The following KCNIP4 variants were observed in gnomAD, a reference collection of about 807,000 sequenced individuals.
KCNIP4 encodes Kv channel-interacting protein 4.
KCNIP4 carries 12 observed loss-of-function variants against 34.0 expected under a neutral mutation model. That is an observed-to-expected ratio of 0.35 (90% CI 0.23 to 0.57). The LOEUF (loss-of-function observed/expected upper bound fraction) is 0.57. Ranked by LOEUF, KCNIP4 falls within the 20% of genes least tolerant of loss-of-function variation. The pLI, the probability that KCNIP4 is intolerant of heterozygous loss-of-function variation, is 0.83. For synonymous variants in KCNIP4, 124 were observed against 102.2 expected, an observed-to-expected ratio of 1.21 and a Z score of -1.29; for missense variants, 238 against 311.7, an observed-to-expected ratio of 0.76 and a Z score of 1.78.
chr4:21,149,901 T>G (rs1752638949), intron 1 of KCNIP4, among the ~76,000 whole-genome samples: 1 of 152,186 alleles, frequency 6.6e-6, no homozygotes, highest in African/African-American at 2.4e-5. Flanking sequence ...TTTAAGTTAT[T>G]TGTTTCACTG....
chr4:21,813,747 T>A (rs1292602072), intron 1 of KCNIP4, among the ~76,000 whole-genome samples: 1 of 152,164 alleles, frequency 6.6e-6, no homozygotes, highest in African/African-American at 2.4e-5. Context: ...CTTTCTCACA[T>A]CAAATGCAGT....
At chr4:21,908,261 A>G (rs1237456296) in intron 1 of KCNIP4, among the ~76,000 whole-genome samples, 1 of 152,060 alleles carries the variant, frequency 6.6e-6, no homozygotes, top group Non-Finnish European at 1.5e-5. Flanking sequence ...TCATTCCTTC[A>G]GCTCCAGCTG....
intron 1 of KCNIP4, among the ~76,000 whole-genome samples, chr4:21,500,073 A>T (rs1486609824): frequency 2.0e-5 from 3 of 152,206 alleles, no homozygotes; most frequent in African/African-American, 7.2e-5. Flanking sequence ...ATACAAAGTC[A>T]GTGTTATTGA....
chr4:20,748,558 T>TTTTA, intron 5 of KCNIP4, among the ~76,000 whole-genome samples: 1 of 118,574 alleles, frequency 8.4e-6, no homozygotes, highest in African/African-American at 3.1e-5. Flanking sequence ...ACCTTCCAAA[T>TTTTA]TTTATATATA....
intron 1 of KCNIP4, among the ~76,000 whole-genome samples, chr4:21,854,553 G>A (rs1054075057): frequency 1.3e-5 from 2 of 152,062 alleles, no homozygotes; most frequent in Non-Finnish European, 2.9e-5. Context: ...CAAAGGCATT[G>A]CCTATCCTGT....
intron 1 of KCNIP4, among the ~76,000 whole-genome samples, chr4:21,777,078 C>A (rs1259898467): frequency 1.3e-5 from 2 of 152,144 alleles, no homozygotes; most frequent in South Asian, 2.1e-4. Context: ...CGGCCAAGAT[C>A]TAATGGTTTT....
chr4:20,866,175 G>A (rs2149502837), intron 2 of KCNIP4, among the ~76,000 whole-genome samples: 1 of 152,028 alleles, frequency 6.6e-6, no homozygotes, highest in South Asian at 2.1e-4. Flanking sequence ...GCATCACCCT[G>A]ATACCAAACT....
At chr4:21,273,581 T>C (rs1762277506) in intron 1 of KCNIP4, among the ~76,000 whole-genome samples, 1 of 152,212 alleles carries the variant, frequency 6.6e-6, no homozygotes, top group African/African-American at 2.4e-5. Flanking sequence ...TCGTTTTACT[T>C]TCCATACCTT....
intron 1 of KCNIP4, among the ~76,000 whole-genome samples, chr4:21,132,325 T>C (rs904984877): frequency 1.2e-4 from 18 of 152,176 alleles, no homozygotes; most frequent in Non-Finnish European, 2.6e-4. Flanking sequence ...CACCACCCTA[T>C]AAATCATTAA....
At chr4:21,349,527 C>T (rs889415913) in intron 1 of KCNIP4, among the ~76,000 whole-genome samples, 3 of 151,976 alleles carry the variant, frequency 2.0e-5, no homozygotes, top group East Asian at 1.9e-4. Flanking sequence ...TTAATGAAGC[C>T]GTAGAGAAAA....
chr4:21,104,644 G>C (rs921843366), intron 1 of KCNIP4, among the ~76,000 whole-genome samples: 4 of 151,912 alleles, frequency 2.6e-5, no homozygotes, highest in African/African-American at 7.3e-5. Context: ...ATTACTTTTG[G>C]TGTTTTAAAC....
At chr4:20,832,880 T>C (rs897446429) in intron 3 of KCNIP4, among the ~76,000 whole-genome samples, 1 of 152,322 alleles carries the variant, frequency 6.6e-6, no homozygotes, top group Non-Finnish European at 1.5e-5. Context: ...CATTATCTGC[T>C]CTAGTGAACT....
intron 3 of KCNIP4, among the ~76,000 whole-genome samples, chr4:20,818,920 CT>C (rs11382765): frequency 0.023 from 2,408 of 104,892 alleles, 9 homozygotes; most frequent in Middle Eastern, 0.029. Flanking sequence ...TATATTATCT[CT>C]TTTTTTTTTT....
intron 1 of KCNIP4, chr4:20,916,243 C>G: frequency 2.5e-6 from 2 of 787,484 alleles, no homozygotes; most frequent in South Asian, 1.2e-4. Context: ...ATGATTTCTG[C>G]CCCAAAGAGC....
Position 21,863,909 on chromosome 4 carries a change from G to A in KCNIP4, c.61+84662C>T, listed in dbSNP as rs1035687519. Among the ~76,000 whole-genome samples, 11 of 152,148 alleles carry A rather than the reference G, an allele frequency of 7.2e-5. 1 individual carries two copies. Among genetic ancestry groups the A allele is most frequent in the African/African-American group, 2.6e-4 (11 of 41,544 alleles). ...AGGCTAAGGTGTCTCGGTTTTCCTTGGCAAATGCAAATATTAAACAACCTA... is the reference window on the plus strand; with the variant it reads ...AGGCTAAGGTGTCTCGGTTTTCCTTAGCAAATGCAAATATTAAACAACCTA... On this transcript the variant is annotated intron_variant, in intron 1 of 8. Coordinates refer to ENST00000382152, the MANE Select transcript of KCNIP4 (RefSeq NM_025221.6).
intron 1 of KCNIP4, among the ~76,000 whole-genome samples, chr4:21,578,216 C>A (rs1166275000): frequency 6.6e-6 from 1 of 151,550 alleles, no homozygotes; most frequent in Non-Finnish European, 1.5e-5. Context: ...CACCTGTAAT[C>A]CCAGCTACTT....
At chr4:20,928,385 A>C (rs1480237099) in intron 1 of KCNIP4, among the ~76,000 whole-genome samples, 2 of 151,994 alleles carry the variant, frequency 1.3e-5, no homozygotes, top group African/African-American at 4.8e-5. Flanking sequence ...CAATAAATTA[A>C]AGAAAAACTC....
In KCNIP4 at chr4:21,528,609, G is replaced by T. The variant is rs184121188; in HGVS notation, c.61+419962C>A. On this transcript the variant is annotated intron_variant, in intron 1 of 8. Coordinates refer to ENST00000382152, the MANE Select transcript of KCNIP4 (RefSeq NM_025221.6). ...TTAAACTTGGGAGGTGGAGGTTGCA[G>T]TGAGCCAAGAACGCGTCACTGAACT... 6.0e-4 allele frequency among the ~76,000 whole-genome samples: 90 copies of T among 151,036 alleles called. 1 individual carries two copies. The highest frequency in any genetic ancestry group is 2.1e-3 in the African/African-American group (85 of 40,958).
chr4:21,541,196 A>AAG (rs1370562357), intron 1 of KCNIP4, among the ~76,000 whole-genome samples: 38 of 146,826 alleles, frequency 2.6e-4, no homozygotes, highest in African/African-American at 8.2e-4. Flanking sequence ...AAAAAAAAAA[A>AAG]AGAGAGAGAG....
Sources: gnomAD v4.1 joint callset for allele counts (sites outside exome capture counted in the v4.1 genomes callset) on GRCh38, gnomAD v4.1.1 for gene constraint, MANE v1.5 for transcripts, NCBI Gene and HGNC (gene_info 2026-07-23, HGNC 2026-07-21) for gene names.